PLAGL1: variants seen among roughly 807,000 people sequenced by gnomAD.
PLAGL1 encodes the protein zinc finger protein PLAGL1.
A neutral mutation model predicts 4.6 loss-of-function variants in PLAGL1; 1 was observed. The observed-to-expected ratio is 0.22, with a 90% CI of 0.08 to 1.03. The LOEUF (loss-of-function observed/expected upper bound fraction) is 1.03. Among genes scored for constraint, PLAGL1 ranks in the 50% least tolerant of loss-of-function variants. The pLI is 0.58. For synonymous variants in PLAGL1, 240 were observed against 237.8 expected, an observed-to-expected ratio of 1.01 and a Z score of -0.08; for missense variants, 464 against 570.4, an observed-to-expected ratio of 0.81 and a Z score of 1.90.
chr6:144,041,060 C>T (rs1466054681), intron 1 of PLAGL1, among the ~76,000 whole-genome samples: 1 of 152,058 alleles, frequency 6.6e-6, no homozygotes, highest in Non-Finnish European at 1.5e-5. Flanking sequence ...AAATGTTTTG[C>T]AGACATATGA....
intron 1 of PLAGL1, among the ~76,000 whole-genome samples, chr6:143,992,552 G>A (rs1445522077): frequency 6.6e-6 from 1 of 152,186 alleles, no homozygotes; most frequent in Non-Finnish European, 1.5e-5. Flanking sequence ...CAGGTAGCAA[G>A]GAAAGTGATC....
chr6:143,958,858 G>C lies in PLAGL1; in HGVS notation c.-325+1611C>G, dbSNP rs1395029290. Among the ~76,000 whole-genome samples, 2 of 152,196 alleles carry C rather than the reference G, an allele frequency of 1.3e-5. No homozygotes were observed. Among genetic ancestry groups the C allele is most frequent in the African/African-American group, 4.8e-5 (2 of 41,448 alleles). On this transcript the variant is annotated intron_variant, in intron 6 of 7. Coordinates refer to ENST00000674357, the MANE Select transcript of PLAGL1 (RefSeq NM_001317162.2). The surrounding 1 kb of genome is among the most constrained non-coding windows in gnomAD (Gnocchi z 5.1). ...GAATGTTAAGGAAATGGGGGAGAAAGCTTAAAAAGAGTGGAACACTAGCAA... is the reference window on the plus strand; with the variant it reads ...GAATGTTAAGGAAATGGGGGAGAAACCTTAAAAAGAGTGGAACACTAGCAA...
Position 144,048,159 on chromosome 6 carries a change from G to T in PLAGL1, c.-151+16309C>A, listed in dbSNP as rs775550363. ...GCTGATGCAAGAAGTGGGCTCCCAC[G>T]GTCTTGGGCAGCTCTGCCTCTGTGG... On this transcript the variant is annotated intron_variant, in intron 1 of 3. Coordinates refer to the PLAGL1 transcript ENST00000437412. This position sits in a 1 kb window ranked among gnomAD's most constrained non-coding sequence, Gnocchi z 4.8. 3.5e-4 allele frequency among the ~76,000 whole-genome samples: 54 copies of T among 152,210 alleles called. No individual in the cohort carries two copies. The highest frequency in any genetic ancestry group is 3.5e-3 in the Admixed American group (53 of 15,278).
chr6:144,020,828 A>T (rs1795918174), intron 1 of PLAGL1, among the ~76,000 whole-genome samples: 1 of 145,714 alleles, frequency 6.9e-6, no homozygotes, highest in East Asian at 2.0e-4. Context: ...ATTATATTAT[A>T]TATAATATAA....
chr6:144,060,126 C>G (rs1215516201), intron 1 of PLAGL1, among the ~76,000 whole-genome samples: 3 of 152,082 alleles, frequency 2.0e-5, no homozygotes, highest in Non-Finnish European at 4.4e-5. Flanking sequence ...CAGCTCACTG[C>G]AGCCTCGACC....
rs1554277665 is a variant in PLAGL1 at position 144,027,230 on chromosome 6, C to CGAACGAAAGAAA, written c.-151+37226_-151+37237dup. Among the ~76,000 whole-genome samples, 1 of 99,106 alleles carries CGAACGAAAGAAA rather than the reference C, an allele frequency of 1.0e-5. No individual in the cohort carries two copies. Among genetic ancestry groups the CGAACGAAAGAAA allele is most frequent in the Non-Finnish European group, 2.0e-5 (1 of 49,528 alleles). 65.0% of individuals were successfully genotyped at this position (99,106 alleles called of 152,430 possible). Reference sequence around the variant, plus strand: ...CAGAGAAAGACCCCAACTCAAAGAACGAACGAAAGAAAGAAAGAAAGAAAG... The same window carrying CGAACGAAAGAAA: ...CAGAGAAAGACCCCAACTCAAAGAACGAACGAAAGAAAGAACGAAAGAAAGAAAGAAAGAAAG... On this transcript the variant is annotated intron_variant, in intron 1 of 3. Coordinates refer to the PLAGL1 transcript ENST00000437412. This position sits in a 1 kb window ranked among gnomAD's most constrained non-coding sequence, Gnocchi z 5.8.
chr6:143,942,646 G>C lies in PLAGL1; in HGVS notation c.170C>G (p.Ser57Cys). ...AGCACACTGGTGAGATTTCTGGGGA[G>C]AATGGGTAGCCATATGCCTAGGAGC... ...YKLMRHMATH[S>C]PQKSHQCAHC... The change falls in exon 8 of 8, where the codon TCT (serine) becomes TGT (cysteine). Residue 57 changes from serine (S) to cysteine (C), a missense_variant. Around this residue, in one of 4 missense-constraint regions of PLAGL1, gnomAD observed 161 missense variants for 196.7 expected, o/e 0.82. Coordinates refer to ENST00000674357, the MANE Select transcript of PLAGL1 (RefSeq NM_001317162.2). The surrounding 1 kb of genome is among the most constrained non-coding windows in gnomAD (Gnocchi z 7.6). 6.2e-7 allele frequency: 1 copy of C among 1,613,454 alleles called. No individual in the cohort carries two copies. The highest frequency in any genetic ancestry group is 8.5e-7 in the Non-Finnish European group (1 of 1,179,712).
chr6:144,044,318 G>A lies in PLAGL1; in HGVS notation c.-151+20150C>T, dbSNP rs6900826. 8.9e-3 allele frequency among the ~76,000 whole-genome samples: 1,359 copies of A among 152,250 alleles called. 20 individuals carry two copies. The highest frequency in any genetic ancestry group is 0.031 in the African/African-American group (1,284 of 41,536). ...CTGCTTTGTCTTGTGGGCATTTAGC[G>A]CTATAAATTTCCCTCTACACACTGC... is the stretch of plus-strand genomic sequence containing the variant. On this transcript the variant is annotated intron_variant, in intron 1 of 3. Coordinates refer to the PLAGL1 transcript ENST00000437412.
chr6:144,054,772 A>C lies in PLAGL1; in HGVS notation c.-151+9696T>G, dbSNP rs559303547. On this transcript the variant is annotated intron_variant, in intron 1 of 3. Transcript: ENST00000437412. ...GCATAAAAGAAAAAGAAAAACTAAA[A>C]AAGAGTGTGTGTGTGTGTGTGTGTG... Among the ~76,000 whole-genome samples, 72 of 119,168 alleles carry C rather than the reference A, an allele frequency of 6.0e-4. No homozygotes were observed. The East Asian group carries it at 0.014, about 23-fold the overall frequency. 78.2% of individuals were successfully genotyped at this position (119,168 alleles called of 152,430 possible).
At chr6:143,993,850 T>C (rs1791072153) in intron 1 of PLAGL1, among the ~76,000 whole-genome samples, 1 of 152,108 alleles carries the variant, frequency 6.6e-6, no homozygotes, top group South Asian at 2.1e-4. Flanking sequence ...CACACAGAAT[T>C]GACTGGAGAC....
rs779649831 is a variant in PLAGL1, at chr6:143,941,947, G to A, written c.869C>T (p.Ser290Phe). The A allele has an allele frequency of 1.7e-5, 27 of 1,604,866 alleles. No individual in the cohort carries two copies. The Admixed American group carries it at 4.5e-4, about 27-fold the overall frequency. ...AAGGGGTGGCGGAGGAGAGCCAGGG[G>A]ATACCGAGGGGTGGAGGGAGGCCAG... ...ESLASLHPSV[S>F]PGSPPPPLPN... Residue 290 changes from serine to phenylalanine, a missense_variant, in exon 8 of 8, where the codon TCC becomes TTC. Physicochemically the swap from Ser to Phe is radical, Grantham distance 155. Transcript: ENST00000674357. The surrounding 1 kb of genome is among the most constrained non-coding windows in gnomAD (Gnocchi z 6.0).
intron 1 of PLAGL1, among the ~76,000 whole-genome samples, chr6:144,047,802 T>C (rs147108855): frequency 7.4e-4 from 113 of 152,290 alleles, no homozygotes; most frequent in African/African-American, 2.5e-3. Context: ...CCAAATCTCA[T>C]GTCCTCACAT....
chr6:144,035,734 A>G (rs1797179131), intron 1 of PLAGL1, among the ~76,000 whole-genome samples: 1 of 152,114 alleles, frequency 6.6e-6, no homozygotes, highest in African/African-American at 2.4e-5. Flanking sequence ...CCAATACTCA[A>G]ATTACCTCAT....
At chr6:144,057,256 A>G (rs1248738938) in intron 1 of PLAGL1, among the ~76,000 whole-genome samples, 1 of 152,270 alleles carries the variant, frequency 6.6e-6, no homozygotes, top group African/African-American at 2.4e-5. Flanking sequence ...GACAAGGCAC[A>G]TGGTACTTTG....
At chr6:144,041,033 T>C (rs1797685573) in intron 1 of PLAGL1, among the ~76,000 whole-genome samples, 1 of 152,214 alleles carries the variant, frequency 6.6e-6, no homozygotes, top group Non-Finnish European at 1.5e-5. Context: ...TTCGGCTTTA[T>C]TCTTTTCCAG....
chr6:143,980,082 T>G (rs4379308), intron 2 of PLAGL1, among the ~76,000 whole-genome samples: 3,207 of 152,228 alleles, frequency 0.021, 51 homozygotes, highest in Non-Finnish European at 0.034. Flanking sequence ...ACAGGAAGCC[T>G]TCTGTCATGT....
chr6:143,942,353 T>G lies in PLAGL1; in HGVS notation c.463A>C (p.Lys155Gln). 1 of 1,614,098 alleles carries G rather than the reference T, an allele frequency of 6.2e-7. No homozygotes were observed. Among genetic ancestry groups the G allele is most frequent in the Non-Finnish European group, 8.5e-7 (1 of 1,180,000 alleles). Residue 155 changes from lysine (K) to glutamine (Q), a missense_variant, in exon 8 of 8, where the codon AAG becomes CAG. Around this residue, in one of 4 missense-constraint regions of PLAGL1, gnomAD observed 161 missense variants for 196.7 expected, o/e 0.82. Transcript: ENST00000674357. This position sits in a 1 kb window ranked among gnomAD's most constrained non-coding sequence, Gnocchi z 7.6. ...EKPPSGTKEK[K>Q]HQCDHCERCF... is the part of the protein sequence containing the mutation. Reference sequence around the variant, plus strand: ...CTTTCACAGTGGTCGCACTGGTGCTTCTTTTCCTTGGTTCCGCTAGGGGGC... The same window carrying G: ...CTTTCACAGTGGTCGCACTGGTGCTGCTTTTCCTTGGTTCCGCTAGGGGGC...
At chr6:144,054,467 A>C (rs1301091499) in intron 1 of PLAGL1, among the ~76,000 whole-genome samples, 1 of 152,182 alleles carries the variant, frequency 6.6e-6, no homozygotes, top group African/African-American at 2.4e-5. Context: ...ATGAAGCTGG[A>C]AGCCATTATC....
rs1422832619 is a variant in PLAGL1 at position 143,979,399 on chromosome 6, T to C, written c.-544+5736A>G. Among the ~76,000 whole-genome samples the C allele has an allele frequency of 6.6e-6, 1 of 152,164 alleles. No individual in the cohort carries two copies. Among genetic ancestry groups the C allele is most frequent in the Non-Finnish European group, 1.5e-5 (1 of 67,970 alleles). On this transcript the variant is annotated intron_variant, in intron 2 of 7. Coordinates refer to ENST00000674357, the MANE Select transcript of PLAGL1 (RefSeq NM_001317162.2). The surrounding 1 kb of genome is among the most constrained non-coding windows in gnomAD (Gnocchi z 4.6). ...TGAAATGTACGATCTTGTTATTTGTTGTCTAATTGCCTCAATTATTCTTTG... is the reference window on the plus strand; with the variant it reads ...TGAAATGTACGATCTTGTTATTTGTCGTCTAATTGCCTCAATTATTCTTTG...
Sources: allele counts gnomAD v4.1 joint callset (sites outside exome capture counted in the v4.1 genomes callset), GRCh38; gene constraint gnomAD v4.1.1; regional missense constraint gnomAD v4.1.1; non-coding constraint Gnocchi (gnomAD v3.1); transcripts MANE v1.5; gene names NCBI Gene and HGNC (gene_info 2026-07-23, HGNC 2026-07-21).